Variants in HERC2 observed in about 807,000 individuals in gnomAD.
The protein encoded by HERC2 is HECT and RLD domain containing E3 ubiquitin protein ligase 2.
HERC2 carries 102 observed loss-of-function variants against 537.7 expected under a neutral mutation model. The ratio of observed to expected loss-of-function variants is 0.19; its 90% CI spans 0.16 to 0.22. HERC2 has a LOEUF of 0.22. HERC2 is among the 10% of genes least tolerant of loss of function. HERC2 has a pLI of 1.00. For missense variants in HERC2, 4,236 were observed against 6,198.2 expected (o/e 0.68, Z 10.63); for synonymous variants, 2,224 against 2,466.2 (o/e 0.90, Z 2.91).
chr15:28,291,883 C>A (rs147744460), intron 4 of HERC2, among the ~76,000 whole-genome samples: 1 of 114,200 alleles, frequency 8.8e-6, no homozygotes, highest in African/African-American at 3.4e-5. Flanking sequence ...CCAGCCTGGG[C>A]GACAGAACAA....
intron 78 of HERC2, among the ~76,000 whole-genome samples, chr15:28,136,081 T>G (rs1465456748): frequency 6.6e-6 from 1 of 151,444 alleles, no homozygotes; most frequent in Non-Finnish European, 1.5e-5. Context: ...ACAAATACAT[T>G]TTAATATTTC....
Position 28,196,485 on chromosome 15 carries a change from A to T in HERC2, c.8096T>A (p.Val2699Glu). ...WTGLLSEMELVPSIHPGVTCD... is the reference protein window; with the variant it reads ...WTGLLSEMELEPSIHPGVTCD... ...CGTAACCCCAGGATGAATACTGGGT[A>T]CCAACTCCATTTCTGATAGCAACCC... Residue 2699 changes from valine (V) to glutamate (E), a missense_variant, in exon 51 of 93, where the codon GTA (valine) becomes GAA (glutamate). By Grantham distance (121) the Val-to-Glu change is moderately radical (BLOSUM62 -2). Around this residue, in one of 27 missense-constraint regions of HERC2, gnomAD observed 606 missense variants for 884.5 expected, o/e 0.69. Transcript: ENST00000261609. The T allele has an allele frequency of 1.2e-6, 2 of 1,612,638 alleles. No individual in the cohort carries two copies. The highest frequency in any genetic ancestry group is 1.7e-6 in the Non-Finnish European group (2 of 1,178,668).
At chr15:28,199,517 T>G (rs1198014016) in intron 48 of HERC2, among the ~76,000 whole-genome samples, 1 of 152,216 alleles carries the variant, frequency 6.6e-6, no homozygotes, top group African/African-American at 2.4e-5. Context: ...CCAAGATTAA[T>G]AACAAAGCTT....
Position 28,268,479 on chromosome 15 carries a change from G to A in HERC2, c.1584C>T (p.Gly528=). The A allele has an allele frequency of 6.2e-7, 1 of 1,613,804 alleles. No homozygotes were observed. The highest frequency in any genetic ancestry group is 1.1e-5 in the South Asian group (1 of 91,032). ...SWGCGDGGRL[G]HGDTVPLEEP... ...GCGATACATACACAGTGTCCCCATG[G>A]CCCAGCCGTCCGCCGTCCCCACAGC... The change falls in exon 12 of 93, where the codon GGC becomes GGT. Residue 528 remains glycine, a synonymous_variant. Transcript: ENST00000261609. This position sits in a 1 kb window ranked among gnomAD's most constrained non-coding sequence, Gnocchi z 4.7.
Position 28,186,742 on chromosome 15 carries a change from T to C in HERC2, c.8660A>G (p.Tyr2887Cys), listed in dbSNP as rs367704254. 4 of 1,612,164 alleles carry C rather than the reference T, an allele frequency of 2.5e-6. No homozygotes were observed. The highest frequency in any genetic ancestry group is 4.5e-5 in the East Asian group (2 of 44,870). Residue 2887 changes from tyrosine to cysteine, a missense_variant, in exon 56 of 93, where the codon TAT becomes TGT. Around this residue, in one of 27 missense-constraint regions of HERC2, gnomAD observed 606 missense variants for 884.5 expected, o/e 0.69. Coordinates refer to ENST00000261609, the MANE Select transcript of HERC2 (RefSeq NM_004667.6). ...LLNDCTEYHR[Y>C]IEIAIKQCRS... ...GCACTGCTTTATAGCAATTTCAATA[T>C]ACCTGTGATACTAGACACAAAAACC...
intron 78 of HERC2, among the ~76,000 whole-genome samples, chr15:28,139,368 T>G (rs538528415): frequency 3.6e-4 from 55 of 152,286 alleles, no homozygotes; most frequent in Middle Eastern, 6.8e-3. Flanking sequence ...GCTGCCACCC[T>G]GTGAGACGCT....
At chr15:28,252,007 CT>C in intron 20 of HERC2, among the ~76,000 whole-genome samples, 1 of 152,308 alleles carries the variant, frequency 6.6e-6, no homozygotes, top group South Asian at 2.1e-4. Context: ...AATATCTGAT[CT>C]GCCCTAGACT....
In HERC2 at chr15:28,295,670, T is replaced by C. The variant is rs375894135; in HGVS notation, c.188-2648A>G. Among the ~76,000 whole-genome samples the C allele has an allele frequency of 4.5e-4, 69 of 152,312 alleles. 1 individual carries two copies. In the East Asian group the frequency reaches 0.012, roughly 26 times the overall value. On this transcript the variant is annotated intron_variant, in intron 3 of 92. Coordinates refer to ENST00000261609, the MANE Select transcript of HERC2 (RefSeq NM_004667.6). ...GCCTCGGCCTCCAAAAGTGCTGGGA[T>C]TACAGGTGTGAGCCACCACGCCCGG...
intron 45 of HERC2, chr15:28,203,835 G>A (rs1327971751): frequency 6.6e-6 from 1 of 151,918 alleles, no homozygotes; most frequent in East Asian, 1.9e-4. Context: ...CCTGCGCTCG[G>A]CACAAAGGGA....
chr15:28,185,747 GT>G (rs984677959), intron 56 of HERC2, among the ~76,000 whole-genome samples: 1 of 152,202 alleles, frequency 6.6e-6, no homozygotes, highest in African/African-American at 2.4e-5. Context: ...CTGGGGGGAA[GT>G]TTTCCTTGTC....
chr15:28,307,142 TTATC>T (rs2076811495), intron 2 of HERC2, among the ~76,000 whole-genome samples: 1 of 152,200 alleles, frequency 6.6e-6, no homozygotes, highest in African/African-American at 2.4e-5. Context: ...GCCTGCAAAC[TTATC>T]TATTTCTTCC....
intron 65 of HERC2, 49 bp downstream of exon 65, chr15:28,174,346 T>G: frequency 8.3e-7 from 1 of 1,207,230 alleles, no homozygotes; most frequent in Non-Finnish European, 1.1e-6. Flanking sequence ...TCTATAAGGT[T>G]GCTGTAAACC....
At chr15:28,125,519 G>A (rs1053669785) in intron 83 of HERC2, among the ~76,000 whole-genome samples, 3 of 152,188 alleles carry the variant, frequency 2.0e-5, no homozygotes, top group East Asian at 3.8e-4. Context: ...GACTAGGCAT[G>A]AACAGCAGCA....
intron 4 of HERC2, among the ~76,000 whole-genome samples, chr15:28,289,910 TAC>T (rs1170085141): frequency 6.6e-6 from 1 of 151,526 alleles, no homozygotes; most frequent in Non-Finnish European, 1.5e-5. Flanking sequence ...GTGAGAGGAC[TAC>T]ACACCTCAGT....
At position 28,176,951 on chromosome 15, in the gene HERC2, A is replaced by G. The variant is rs760936263; in HGVS notation, c.9431T>C (p.Met3144Thr). Residue 3144 changes from methionine (M) to threonine (T), a missense_variant and splice_region_variant, in exon 61 of 93, where the codon ATG becomes ACG. This residue lies in a region of HERC2 where 606 missense variants were observed against 884.5 expected (regional missense o/e 0.69). Coordinates refer to ENST00000261609, the MANE Select transcript of HERC2 (RefSeq NM_004667.6). The surrounding 1 kb of genome is among the most constrained non-coding windows in gnomAD (Gnocchi z 5.0). ...GDNTTQLKPK[M>T]VKVLLGHRVI... ...AGCAACAAAAATGCGTATAATCACC[A>G]TTTTGGGCTTTAGCTGTGTCGTATT... The G allele has an allele frequency of 2.0e-5, 33 of 1,610,282 alleles. No individual in the cohort carries two copies. The highest frequency in any genetic ancestry group is 2.7e-5 in the Non-Finnish European group (32 of 1,177,554).
In HERC2 at chr15:28,225,696, CAAAAAAAAAAAAA is replaced by C. The variant is rs35629645; in HGVS notation, c.5464+2509_5464+2521del. On this transcript the variant is annotated intron_variant, in intron 35 of 92. Coordinates refer to ENST00000261609, the MANE Select transcript of HERC2 (RefSeq NM_004667.6). ...CTGGCAAGAGAGCAAGACTCCGTCT[CAAAAAAAAAAAAA>C]AAAAAAGAAAGAAAAAAAAGAAGAT... is the stretch of plus-strand genomic sequence containing the variant. Among the ~76,000 whole-genome samples, 5 of 58,828 alleles carry C rather than the reference CAAAAAAAAAAAAA, an allele frequency of 8.5e-5. No homozygotes were observed. In the East Asian group the frequency reaches 1.7e-3, roughly 20 times the overall value. The allele number at this position is 58,828 out of a possible 152,430, so 38.6% of individuals were successfully genotyped here.
intron 68 of HERC2, among the ~76,000 whole-genome samples, chr15:28,165,939 G>T (rs1200469539): frequency 6.6e-6 from 1 of 152,144 alleles, no homozygotes; most frequent in South Asian, 2.1e-4. Flanking sequence ...TTCTCCACCA[G>T]AAAGAACTAG....
chr15:28,137,454 A>C (rs1890766490), intron 78 of HERC2, among the ~76,000 whole-genome samples: 1 of 152,240 alleles, frequency 6.6e-6, no homozygotes, highest in Non-Finnish European at 1.5e-5. Flanking sequence ...TTTTCCCAAA[A>C]GCATGTGCTG....
In HERC2 at chr15:28,113,024, G is replaced by T; in HGVS notation, c.14232+47C>A. 6.5e-7 allele frequency: 1 copy of T among 1,529,062 alleles called. No individual in the cohort carries two copies. Among genetic ancestry groups the T allele is most frequent in the Non-Finnish European group, 9.0e-7 (1 of 1,113,924 alleles). The allele number at this position is 1,529,062 out of a possible 1,614,324, so 94.7% of individuals were successfully genotyped here. On this transcript the variant is annotated intron_variant, in intron 92 of 92. Transcript: ENST00000261609. The surrounding 1 kb of genome is among the most constrained non-coding windows in gnomAD (Gnocchi z 7.0). Reference sequence around the variant, plus strand: ...GTGGGTGAGGAGCCAGCCACCCACCGTCGGCCGACATCAGCCCAGGGCCGG... The same window carrying T: ...GTGGGTGAGGAGCCAGCCACCCACCTTCGGCCGACATCAGCCCAGGGCCGG...
Sources: gnomAD v4.1 joint callset for allele counts (sites outside exome capture counted in the v4.1 genomes callset) on GRCh38, gnomAD v4.1.1 for gene constraint, gnomAD v4.1.1 regional missense constraint, Gnocchi (gnomAD v3.1) non-coding constraint, MANE v1.5 for transcripts, NCBI Gene and HGNC (gene_info 2026-07-23, HGNC 2026-07-21) for gene names.